Variants in RPF2 observed in about 807,000 individuals in gnomAD.
RPF2 encodes the protein brix domain containing 1.
A neutral mutation model predicts 38.9 loss-of-function variants in RPF2; 21 were observed. That is an observed-to-expected ratio of 0.54 (90% CI 0.38 to 0.78). The LOEUF (loss-of-function observed/expected upper bound fraction) is 0.78, where lower values mean the gene tolerates loss of function less well. Among genes scored for constraint, RPF2 ranks in the 30% least tolerant of loss-of-function variants. The probability of loss-of-function intolerance (pLI) is 0.00; values close to 1 mark genes in which losing one functional copy is unlikely to be tolerated. For synonymous variants in RPF2, 121 were observed against 126.2 expected (o/e 0.96, Z 0.28); for missense variants, 314 against 358.1 (o/e 0.88, Z 0.99).
At position 111,015,782 on chromosome 6, in the gene RPF2, TA is replaced by T; in HGVS notation, c.523del (p.Ile175SerfsTer6). On this transcript the variant is annotated frameshift_variant, in exon 8 of 10. Coordinates refer to ENST00000441448, the MANE Select transcript of RPF2 (RefSeq NM_032194.3). LOFTEE classifies it high-confidence loss of function. ...TCTTCAGAGGCCCCACAGTATCAAATATCCGCCTGGCTGGATTAGAGTATGT... is the reference window on the plus strand; with the variant it reads ...TCTTCAGAGGCCCCACAGTATCAAATTCCGCCTGGCTGGATTAGAGTATGT... The part of the protein sequence containing the change: ...DFFRGPTVSN[I>X]RLAGLEYVLH... 1 of 1,612,254 alleles carries T rather than the reference TA, an allele frequency of 6.2e-7. No homozygotes were observed. Among genetic ancestry groups the T allele is most frequent in the Non-Finnish European group, 8.5e-7 (1 of 1,178,524 alleles).
Position 111,007,813 on chromosome 6 carries a change from G to A in RPF2, c.394-225G>A, listed in dbSNP as rs541923050. 2.0e-5 allele frequency among the ~76,000 whole-genome samples: 3 copies of A among 152,162 alleles called. No homozygotes were observed. In the East Asian group the frequency reaches 5.8e-4, roughly 29 times the overall value. On this transcript the variant is annotated intron_variant, in intron 6 of 9. Coordinates refer to ENST00000441448, the MANE Select transcript of RPF2 (RefSeq NM_032194.3). Reference sequence around the variant, plus strand: ...TACAAAAAAACTAGCCAGGCATGGTGGTGTGCACCTGTAGTCCCAGCTACT... The same window carrying A: ...TACAAAAAAACTAGCCAGGCATGGTAGTGTGCACCTGTAGTCCCAGCTACT...
intron 7 of RPF2, among the ~76,000 whole-genome samples, chr6:111,009,117 G>C (rs772134031): frequency 6.6e-6 from 1 of 151,966 alleles, no homozygotes; most frequent in Non-Finnish European, 1.5e-5. Context: ...GTGCAGTGGC[G>C]CGATCTCGGC....
At chr6:110,984,132 C>A (rs1310098526) in intron 1 of RPF2, among the ~76,000 whole-genome samples, 1 of 152,072 alleles carries the variant, frequency 6.6e-6, no homozygotes, top group Admixed American at 6.6e-5. Flanking sequence ...CTTATTATTC[C>A]CCATTGTTGG....
chr6:111,024,417 TA>T, intron 9 of RPF2, 90 bp downstream of exon 9: 1 of 1,350,912 alleles, frequency 7.4e-7, no homozygotes, highest in Non-Finnish European at 1.0e-6. Context: ...CATATTATAT[TA>T]AAAGACAAGG....
Position 111,008,019 on chromosome 6 carries a change from T to C in RPF2, c.394-19T>C, listed in dbSNP as rs1583269495. ...TAGACTTTGGTAATTATATAATTGC[T>C]TTTTTTTTTTTTTTTTAGAACAGTA... On this transcript the variant is annotated intron_variant, in intron 6 of 9. Transcript: ENST00000441448. The C allele has an allele frequency of 8.7e-6, 1 of 114,402 alleles. No individual in the cohort carries two copies. The highest frequency in any genetic ancestry group is 1.8e-5 in the Non-Finnish European group (1 of 54,584). The allele number at this position is 114,402 out of a possible 1,614,324, so 7.1% of individuals were successfully genotyped here. A position where few individuals can be genotyped will look rare whatever the true frequency, so the allele number is the denominator to read the frequency against.
intron 6 of RPF2, among the ~76,000 whole-genome samples, chr6:111,004,582 G>A (rs1389671542): frequency 6.7e-6 from 1 of 148,538 alleles, no homozygotes; most frequent in Non-Finnish European, 1.5e-5. Flanking sequence ...GTCTTGCTTT[G>A]TTGCCCAGAC....
chr6:111,010,718 A>C (rs1280716002), intron 7 of RPF2, among the ~76,000 whole-genome samples: 1 of 152,134 alleles, frequency 6.6e-6, no homozygotes, highest in Non-Finnish European at 1.5e-5. Flanking sequence ...CTTTTGAAAA[A>C]TTGATGGGGT....
chr6:110,986,485 A>G (rs910248441), intron 2 of RPF2, among the ~76,000 whole-genome samples: 4 of 152,248 alleles, frequency 2.6e-5, no homozygotes, highest in African/African-American at 4.8e-5. Flanking sequence ...AATAATGCCA[A>G]TTAGAAAATG....
At chr6:110,996,774 G>GA (rs996546956) in intron 4 of RPF2, among the ~76,000 whole-genome samples, 13 of 151,982 alleles carry the variant, frequency 8.6e-5, no homozygotes, top group Admixed American at 2.0e-4. Flanking sequence ...TCCACTGGAA[G>GA]AAAAAAACTG....
In RPF2 at chr6:111,025,540, A is replaced by G. The variant is rs1215183846; in HGVS notation, c.879A>G (p.Thr293=). The stretch of plus-strand genomic sequence containing the variant: ...AGAAGCGACCTGCAGAAAGGATAAC[A>G]GAAGACCACGAGAAAAAGTCAAAAA... The part of the protein sequence containing the change: ...GLKKRPAERI[T]EDHEKKSKRI... The change falls in exon 10 of 10, where the codon ACA becomes ACG. Residue 293 remains threonine (T), a synonymous_variant. Coordinates refer to ENST00000441448, the MANE Select transcript of RPF2 (RefSeq NM_032194.3). The G allele has an allele frequency of 1.2e-6, 2 of 1,610,708 alleles. No individual in the cohort carries two copies. Among genetic ancestry groups the G allele is most frequent in the African/African-American group, 1.3e-5 (1 of 74,766 alleles).
chr6:111,008,757 A>T (rs976144443), intron 7 of RPF2, among the ~76,000 whole-genome samples: 4 of 151,972 alleles, frequency 2.6e-5, no homozygotes, highest in African/African-American at 9.7e-5. Flanking sequence ...TTTCCATTAG[A>T]AAGGGTTTAT....
At chr6:111,013,289 GC>G (rs1772050752) in intron 7 of RPF2, among the ~76,000 whole-genome samples, 1 of 152,168 alleles carries the variant, frequency 6.6e-6, no homozygotes, top group African/African-American at 2.4e-5. Context: ...ATGGATTCTT[GC>G]CAATGGTATT....
In RPF2 at chr6:110,984,861, AAC is replaced by A; in HGVS notation, c.24-143_24-142del. On this transcript the variant is annotated intron_variant, in intron 1 of 9. Transcript: ENST00000441448. Reference sequence around the variant, plus strand: ...TCTCAAAAACAAACAAAAAAAAACAAACAAAAAAAAGAAAGTGAGATTTTTTT... The same window carrying A: ...TCTCAAAAACAAACAAAAAAAAACAAAAAAAAAAGAAAGTGAGATTTTTTT... The A allele has an allele frequency of 4.2e-6, 4 of 946,760 alleles. No homozygotes were observed. In the South Asian group the frequency reaches 7.3e-5, roughly 17 times the overall value. The allele number at this position is 946,760 out of a possible 1,614,324, so 58.6% of individuals were successfully genotyped here. A position where few individuals can be genotyped will look rare whatever the true frequency, so the allele number is the denominator to read the frequency against.
Position 110,985,034 on chromosome 6 carries a change from T to C in RPF2, c.52T>C (p.Phe18Leu). 2 of 1,612,338 alleles carry C rather than the reference T, an allele frequency of 1.2e-6. No homozygotes were observed. The highest frequency in any genetic ancestry group is 1.7e-6 in the Non-Finnish European group (2 of 1,179,766). Residue 18 changes from phenylalanine (F) to leucine (L), a missense_variant, in exon 2 of 10, where the codon TTC becomes CTC. Transcript: ENST00000441448. ...GCCCAAAACGAAAAGAGCCAAGAGA[T>C]TCCTTGAGAAGAGAGAACCGAAACT... ...VKPKTKRAKRFLEKREPKLNE... is the reference protein window; with the variant it reads ...VKPKTKRAKRLLEKREPKLNE...
At chr6:111,003,369 C>T (rs1001635776) in intron 6 of RPF2, among the ~76,000 whole-genome samples, 4 of 152,044 alleles carry the variant, frequency 2.6e-5, no homozygotes, top group African/African-American at 9.7e-5. Context: ...CGTCTCACTG[C>T]AACATGCGCC....
intron 6 of RPF2, 98 bp from the exon 7 acceptor site, chr6:111,007,940 C>G: frequency 7.9e-7 from 1 of 1,260,756 alleles, no homozygotes; most frequent in Non-Finnish European, 1.0e-6. Context: ...GAGTGAGACT[C>G]CATCTCAAAA....
At chr6:111,019,510 G>A (rs1229801003) in intron 8 of RPF2, among the ~76,000 whole-genome samples, 1 of 151,910 alleles carries the variant, frequency 6.6e-6, no homozygotes, top group Non-Finnish European at 1.5e-5. Flanking sequence ...GCTGAGGCGG[G>A]TGGATCACCT....
At chr6:110,982,257 C>A in intron 1 of RPF2, 128 bp downstream of exon 1, 3 of 1,075,592 alleles carry the variant, frequency 2.8e-6, no homozygotes, top group Non-Finnish European at 2.8e-6. Context: ...GCCGATCGAT[C>A]ACCAGCCCGG....
In RPF2 at chr6:111,025,809, C is replaced by A. The variant is rs1772318536; in HGVS notation, c.*227C>A. 3 of 301,996 alleles carry A rather than the reference C, an allele frequency of 9.9e-6. No individual in the cohort carries two copies. The highest frequency in any genetic ancestry group is 1.2e-5 in the Non-Finnish European group (2 of 164,582). 18.7% of individuals were successfully genotyped at this position (301,996 alleles called of 1,614,324 possible). On this transcript the variant is annotated 3_prime_UTR_variant, in exon 10 of 10. Transcript: ENST00000441448. ...ATTTTCTCTTGTGATATCCCCTGCC[C>A]TCCACAAATTCTTCTTTCTCATTGG... is the stretch of plus-strand genomic sequence containing the variant.
Sources: gnomAD v4.1 joint callset for allele counts (sites outside exome capture counted in the v4.1 genomes callset) on GRCh38, gnomAD v4.1.1 for gene constraint, MANE v1.5 for transcripts, NCBI Gene and HGNC (gene_info 2026-07-23, HGNC 2026-07-21) for gene names.